The following CDH12 variants were observed in gnomAD, a reference collection of about 807,000 sequenced individuals.
CDH12 encodes cadherin-12.
A neutral mutation model predicts 74.1 loss-of-function variants in CDH12; 41 were observed. The observed-to-expected ratio is 0.55, with a 90% CI of 0.43 to 0.72. CDH12 has a LOEUF of 0.72. Ranked by LOEUF, CDH12 falls within the 30% of genes least tolerant of loss-of-function variation. The pLI is 0.00. For synonymous variants in CDH12, 399 were observed against 355.0 expected (o/e 1.12, Z -1.39); for missense variants, 945 against 977.2 (o/e 0.97, Z 0.44).
chr5:22,654,198 T>C (rs1023888484), intron 1 of CDH12, among the ~76,000 whole-genome samples: 6 of 150,314 alleles, frequency 4.0e-5, no homozygotes, highest in East Asian at 2.0e-4. Flanking sequence ...TCTTTCTTTC[T>C]TTTCTTTCTT....
chr5:22,528,925 C>T (rs1206331511), intron 1 of CDH12, among the ~76,000 whole-genome samples: 1 of 145,912 alleles, frequency 6.9e-6, no homozygotes, highest in Non-Finnish European at 1.5e-5. Context: ...ATTCAGAAAA[C>T]TCATTTTTAA....
At chr5:21,949,498 T>A (rs1349145431) in intron 6 of CDH12, among the ~76,000 whole-genome samples, 1 of 150,242 alleles carries the variant, frequency 6.7e-6, no homozygotes, top group Non-Finnish European at 1.5e-5. Context: ...AGCCTCACAG[T>A]GGTCCTTCAC....
chr5:21,801,364 G>A (rs1747101020), intron 10 of CDH12, among the ~76,000 whole-genome samples: 1 of 152,120 alleles, frequency 6.6e-6, no homozygotes, highest in Non-Finnish European at 1.5e-5. Flanking sequence ...AGAAGATTCA[G>A]GAACAAATCT....
chr5:22,378,037 A>G (rs1394046541), intron 3 of CDH12, among the ~76,000 whole-genome samples: 2 of 152,190 alleles, frequency 1.3e-5, no homozygotes, highest in Non-Finnish European at 2.9e-5. Context: ...ATTATGAATA[A>G]TAACGTGTTT....
At chr5:21,874,136 G>A (rs188818164) in intron 6 of CDH12, among the ~76,000 whole-genome samples, 68 of 152,202 alleles carry the variant, frequency 4.5e-4, no homozygotes, top group Non-Finnish European at 8.4e-4. Flanking sequence ...TGGGATTGCT[G>A]GGTCAGAATC....
chr5:22,195,970 C>T (rs1413297201), intron 4 of CDH12, among the ~76,000 whole-genome samples: 1 of 151,974 alleles, frequency 6.6e-6, no homozygotes, highest in Admixed American at 6.6e-5. Flanking sequence ...ACATATTAAT[C>T]ACAGAATTTA....
chr5:22,242,508 C>A (rs527857042), intron 3 of CDH12, among the ~76,000 whole-genome samples: 8 of 152,116 alleles, frequency 5.3e-5, no homozygotes, highest in Admixed American at 1.3e-4. Flanking sequence ...ATATTCTAAT[C>A]TCCCATCTCT....
chr5:22,059,365 AT>A (rs1741019757), intron 5 of CDH12, among the ~76,000 whole-genome samples: 1 of 128,612 alleles, frequency 7.8e-6, no homozygotes, highest in Non-Finnish European at 1.5e-5. Flanking sequence ...CTATCTATCT[AT>A]CTATCTATCT....
At chr5:22,086,017 T>A (rs1225521824) in intron 4 of CDH12, among the ~76,000 whole-genome samples, 1 of 152,184 alleles carries the variant, frequency 6.6e-6, no homozygotes, top group Non-Finnish European at 1.5e-5. Context: ...GGAATGAGCA[T>A]ACATCCCTAA....
At chr5:21,970,707 G>T (rs1336932169) in intron 6 of CDH12, among the ~76,000 whole-genome samples, 1 of 151,534 alleles carries the variant, frequency 6.6e-6, no homozygotes, top group African/African-American at 2.4e-5. Context: ...GAGTGTGGTG[G>T]TGCACACCTG....
intron 1 of CDH12, among the ~76,000 whole-genome samples, chr5:22,625,651 C>T (rs1185679959): frequency 6.6e-6 from 1 of 152,180 alleles, no homozygotes; most frequent in African/African-American, 2.4e-5. Context: ...GGGGATAAGG[C>T]CTGTCCTATC....
At chr5:22,815,769 C>CAAAAAAAAAAAAAAAAAAAAAA (rs34135797) in intron 1 of CDH12, among the ~76,000 whole-genome samples, 1 of 97,088 alleles carries the variant, frequency 1.0e-5, no homozygotes, top group Non-Finnish European at 2.0e-5. Flanking sequence ...GACTCCGTCT[C>CAAAAAAAAAAAAAAAAAAAAAA]AAAAAAAAAA....
At chr5:22,773,880 A>G (rs924657088) in intron 1 of CDH12, among the ~76,000 whole-genome samples, 1 of 152,188 alleles carries the variant, frequency 6.6e-6, no homozygotes, top group African/African-American at 2.4e-5. Context: ...CAACAAATAT[A>G]TGAAAAAATA....
chr5:21,896,330 T>C (rs899049495), intron 6 of CDH12, among the ~76,000 whole-genome samples: 6 of 152,222 alleles, frequency 3.9e-5, no homozygotes, highest in African/African-American at 1.4e-4. Context: ...ACATAGATTA[T>C]TATCTTCACA....
chr5:22,151,975 C>T (rs1747614841), intron 4 of CDH12: 1 of 152,044 alleles, frequency 6.6e-6, no homozygotes, highest in Admixed American at 6.6e-5. Context: ...GTTATCAGTG[C>T]AGTTCCGTTC....
chr5:22,752,704 T>C (rs931013033), intron 1 of CDH12, among the ~76,000 whole-genome samples: 14 of 124,444 alleles, frequency 1.1e-4, no homozygotes, highest in African/African-American at 4.4e-4. Context: ...CCCTAGTAGC[T>C]GGGACTACAG....
intron 1 of CDH12, among the ~76,000 whole-genome samples, chr5:22,626,090 T>C (rs1445922851): frequency 1.3e-5 from 2 of 151,416 alleles, no homozygotes; most frequent in African/African-American, 2.4e-5. Context: ...GCCATGGTGC[T>C]CCCGCCACTA....
chr5:22,325,436 T>C (rs183617792), intron 3 of CDH12, among the ~76,000 whole-genome samples: 25 of 152,274 alleles, frequency 1.6e-4, no homozygotes, highest in Non-Finnish European at 3.1e-4. Flanking sequence ...AAAAAGTATG[T>C]TGTATTCCGA....
At chr5:22,206,235 T>C (rs1751207956) in intron 4 of CDH12, among the ~76,000 whole-genome samples, 1 of 152,024 alleles carries the variant, frequency 6.6e-6, no homozygotes. Flanking sequence ...AGCATCAACC[T>C]CTCTGGCAGG....
Sources: allele counts gnomAD v4.1 joint callset (sites outside exome capture counted in the v4.1 genomes callset), GRCh38; gene constraint gnomAD v4.1.1; transcripts MANE v1.5; gene names NCBI Gene and HGNC (gene_info 2026-07-23, HGNC 2026-07-21).